Variants in MDM2 observed in about 807,000 individuals in gnomAD.
MDM2 encodes E3 ubiquitin-protein ligase Mdm2.
Under a neutral mutation model 64.3 loss-of-function variants are expected in MDM2, and 11 were observed. The observed-to-expected ratio is 0.17, with a 90% CI of 0.11 to 0.28. The LOEUF (loss-of-function observed/expected upper bound fraction) is 0.28. Ranked by LOEUF, MDM2 falls within the 10% of genes least tolerant of loss-of-function variation. The pLI is 1.00. For synonymous variants in MDM2, 194 were observed against 192.9 expected (o/e 1.01, Z -0.05); for missense variants, 388 against 577.1 (o/e 0.67, Z 3.36).
At chr12:68,827,003 C>T (rs890394345) in intron 7 of MDM2, among the ~76,000 whole-genome samples, 33 of 152,012 alleles carry the variant, frequency 2.2e-4, no homozygotes, top group African/African-American at 7.0e-4. Context: ...GGTGAAACCC[C>T]GTCTCTACTA....
In MDM2 at chr12:68,841,205, G is replaced by A. The variant is rs1449032280; in HGVS notation, c.*1356G>A. 6.0e-5 allele frequency: 10 copies of A among 166,844 alleles called. No homozygotes were observed. The highest frequency in any genetic ancestry group is 9.8e-5 in the Non-Finnish European group (8 of 81,718). 10.3% of individuals were successfully genotyped at this position (166,844 alleles called of 1,614,324 possible). ...TCTCTCTCCAAAATACTCTTTCTAG[G>A]TTAAAAAAAAAAAGGCTCTTATATT... is the stretch of plus-strand genomic sequence containing the variant. On this transcript the variant is annotated 3_prime_UTR_variant, in exon 11 of 11. Transcript: ENST00000258149.
In MDM2 at chr12:68,820,306, T is replaced by A. The variant is rs1310301810; in HGVS notation, c.309-19T>A. ...TAAAATGTACATCTCTTGTTATTTT[T>A]TTTTTTTCTGTCTACAAGGAAAATA... is the stretch of plus-strand genomic sequence containing the variant. On this transcript the variant is annotated intron_variant, in intron 4 of 10. Transcript: ENST00000258149. 4 of 1,551,272 alleles carry A rather than the reference T, an allele frequency of 2.6e-6. No individual in the cohort carries two copies. The South Asian group carries it at 4.7e-5, about 18-fold the overall frequency.
chr12:68,832,845 G>A (rs983190216), intron 8 of MDM2, among the ~76,000 whole-genome samples: 2 of 151,748 alleles, frequency 1.3e-5, no homozygotes, highest in Non-Finnish European at 2.9e-5. Flanking sequence ...ATAGTATTTA[G>A]GTCTGGTGCA....
At chr12:68,826,384 C>T (rs1418569633) in intron 7 of MDM2, among the ~76,000 whole-genome samples, 2 of 152,012 alleles carry the variant, frequency 1.3e-5, no homozygotes, top group Non-Finnish European at 2.9e-5. Context: ...TGCGGTGGCT[C>T]ACACCTGTAA....
In MDM2 at chr12:68,844,854, C is replaced by T. The variant is rs545148355; in HGVS notation, c.*5005C>T. On this transcript the variant is annotated 3_prime_UTR_variant, in exon 11 of 11. Transcript: ENST00000258149. ...CAATCTTGGCTCACTGCAACCTCTG[C>T]CTCCTGGCTGTGTTCAAGTGGTTCT... is the stretch of plus-strand genomic sequence containing the variant. 156 of 202,078 alleles carry T rather than the reference C, an allele frequency of 7.7e-4. 2 individuals carry two copies. Among genetic ancestry groups the T allele is most frequent in the African/African-American group, 3.0e-3 (133 of 43,626 alleles). The allele number at this position is 202,078 out of a possible 1,614,324, so 12.5% of individuals were successfully genotyped here. A position where few individuals can be genotyped will look rare whatever the true frequency, so the allele number is the denominator to read the frequency against.
At position 68,808,230 on chromosome 12, in the gene MDM2, C is replaced by T; in HGVS notation, c.-248C>T. On this transcript the variant is annotated 5_prime_UTR_variant, in exon 1 of 11. Transcript: ENST00000258149. ...TTGGCTGCTTCTGGGGCCTGTGTGG[C>T]CCTGTGTGTCGGAAAGATGGAGCAA... 1.7e-6 allele frequency: 1 copy of T among 580,520 alleles called. No homozygotes were observed. The highest frequency in any genetic ancestry group is 3.1e-5 in the Admixed American group (1 of 31,796). 36.0% of individuals were successfully genotyped at this position (580,520 alleles called of 1,614,324 possible). A position where few individuals can be genotyped will look rare whatever the true frequency, so the allele number is the denominator to read the frequency against.
At chr12:68,822,012 G>A (rs1391058522) in intron 5 of MDM2, among the ~76,000 whole-genome samples, 3 of 151,978 alleles carry the variant, frequency 2.0e-5, no homozygotes, top group African/African-American at 7.3e-5. Flanking sequence ...GCTCCACCAC[G>A]CCTGGCTAAT....
intron 4 of MDM2, among the ~76,000 whole-genome samples, chr12:68,817,880 C>A (rs3730533): frequency 0.31 from 47,800 of 151,898 alleles, 8,814 homozygotes; most frequent in Non-Finnish European, 0.42. Flanking sequence ...TCACTGCAAC[C>A]TCCGTCTCCT....
At chr12:68,832,092 G>T (rs1478906241) in intron 8 of MDM2, among the ~76,000 whole-genome samples, 1 of 152,014 alleles carries the variant, frequency 6.6e-6, no homozygotes, top group Non-Finnish European at 1.5e-5. Flanking sequence ...ACAAAATCTC[G>T]TTTTTCAGGT....
At chr12:68,847,001 G>A (rs1453757278), downstream of MDM2, 13 of 150,882 alleles carry the variant, frequency 8.6e-5, no homozygotes, top group Admixed American at 8.6e-4. Flanking sequence ...TTTGTTTTTT[G>A]CTGAGACAGG....
intron 7 of MDM2, among the ~76,000 whole-genome samples, chr12:68,825,698 A>T (rs909043472): frequency 6.6e-6 from 1 of 152,244 alleles, no homozygotes; most frequent in African/African-American, 2.4e-5. Context: ...AATAGTTGAG[A>T]ACAGTTAGTA....
chr12:68,840,480 T>C lies in MDM2; in HGVS notation c.*631T>C. The C allele has an allele frequency of 5.3e-6, 1 of 188,212 alleles. No individual in the cohort carries two copies. The highest frequency in any genetic ancestry group is 1.1e-5 in the Non-Finnish European group (1 of 90,428). 11.7% of individuals were successfully genotyped at this position (188,212 alleles called of 1,614,324 possible). A position where few individuals can be genotyped will look rare whatever the true frequency, so the allele number is the denominator to read the frequency against. ...TAGTACCTTTGATATAAAGAGAAAA[T>C]GTGTGAAAGATTTAGTTTTTTGTTT... On this transcript the variant is annotated 3_prime_UTR_variant, in exon 11 of 11. Coordinates refer to ENST00000258149, the MANE Select transcript of MDM2 (RefSeq NM_002392.6).
intron 10 of MDM2, 96 bp downstream of exon 10, chr12:68,836,845 A>G (rs1164067883): frequency 2.6e-6 from 2 of 766,522 alleles, no homozygotes; most frequent in Non-Finnish European, 4.3e-6. Context: ...ACTGATTTTT[A>G]TAAAGTTAAA....
chr12:68,823,855 C>G (rs563930650), intron 5 of MDM2, among the ~76,000 whole-genome samples: 2 of 152,328 alleles, frequency 1.3e-5, no homozygotes, highest in East Asian at 3.9e-4. Context: ...AAGGGAATGA[C>G]AGCATGAGTC....
At position 68,839,955 on chromosome 12, in the gene MDM2, C is replaced by A; in HGVS notation, c.*106C>A. ...ATCAAAGTGAGAAAATGCCTCAATTCACATAGATTTCTTCTCTTTAGTATA... is the reference window on the plus strand; with the variant it reads ...ATCAAAGTGAGAAAATGCCTCAATTAACATAGATTTCTTCTCTTTAGTATA... On this transcript the variant is annotated 3_prime_UTR_variant, in exon 11 of 11. Coordinates refer to ENST00000258149, the MANE Select transcript of MDM2 (RefSeq NM_002392.6). 1 of 1,004,256 alleles carries A rather than the reference C, an allele frequency of 1.0e-6. No homozygotes were observed. The highest frequency in any genetic ancestry group is 1.4e-6 in the Non-Finnish European group (1 of 697,304). The allele number at this position is 1,004,256 out of a possible 1,614,324, so 62.2% of individuals were successfully genotyped here.
rs1472174988 is a variant in MDM2, at chr12:68,838,267, C to CAGGCAAGAACCATGCTTCAGCTA, written c.919-997_919-975dup. Among the ~76,000 whole-genome samples, 7 of 152,168 alleles carry CAGGCAAGAACCATGCTTCAGCTA rather than the reference C, an allele frequency of 4.6e-5. No individual in the cohort carries two copies. The South Asian group carries it at 6.2e-4, about 14-fold the overall frequency. ...AGAGTTTTCACTTGTTAAATGTCCT[C>CAGGCAAGAACCATGCTTCAGCTA]AGGCAAGAACCATGCTTCAGCTAAG... On this transcript the variant is annotated intron_variant, in intron 10 of 10. Transcript: ENST00000258149.
downstream of MDM2, chr12:68,847,541 C>A (rs1014762609): frequency 1.1e-4 from 15 of 140,442 alleles, no homozygotes; most frequent in Non-Finnish European, 2.0e-4. Flanking sequence ...GCAAGCTCCG[C>A]CTCCCAGGTT....
intron 5 of MDM2, among the ~76,000 whole-genome samples, chr12:68,822,866 G>A (rs3730557): frequency 4.6e-5 from 7 of 151,554 alleles, no homozygotes; most frequent in African/African-American, 1.7e-4. Context: ...TCAGCCTCCC[G>A]AGTAGGTGGG....
intron 4 of MDM2, 87 bp downstream of exon 4, chr12:68,817,032 A>T (rs1881443072): frequency 2.1e-6 from 3 of 1,462,534 alleles, no homozygotes; most frequent in Non-Finnish European, 2.8e-6. Context: ...TGTCAGAGAA[A>T]AACTGTTGAA....
Sources: gnomAD v4.1 joint callset for allele counts (sites outside exome capture counted in the v4.1 genomes callset) on GRCh38, gnomAD v4.1.1 for gene constraint, MANE v1.5 for transcripts, NCBI Gene and HGNC (gene_info 2026-07-23, HGNC 2026-07-21) for gene names.